The following XIRP2 variants were observed in gnomAD, a reference collection of about 807,000 sequenced individuals.
XIRP2 encodes xin actin-binding repeat-containing protein 2.
XIRP2 carries 236 observed loss-of-function variants against 277.0 expected under a neutral mutation model. That is an observed-to-expected ratio of 0.85 (90% CI 0.77 to 0.95). The LOEUF (loss-of-function observed/expected upper bound fraction) is 0.95, where lower values mean the gene tolerates loss of function less well. XIRP2 is among the 40% of genes least tolerant of loss of function. The pLI is 0.00. For missense variants in XIRP2, 4,640 were observed against 4,157.5 expected, an observed-to-expected ratio of 1.12 and a Z score of -3.19; for synonymous variants, 1,490 against 1,416.5, an observed-to-expected ratio of 1.05 and a Z score of -1.17.
intron 2 of XIRP2, among the ~76,000 whole-genome samples, chr2:166,931,240 T>A (rs577096673): frequency 1.3e-5 from 2 of 152,274 alleles, no homozygotes; most frequent in East Asian, 3.9e-4. Context: ...CAGACATGAA[T>A]GTTTAAGATT....
chr2:167,029,461 G>C (rs370648092), intron 2 of XIRP2, among the ~76,000 whole-genome samples: 69 of 152,090 alleles, frequency 4.5e-4, no homozygotes, highest in African/African-American at 8.2e-4. Context: ...TATTGAGATA[G>C]AGCATGTGGT....
At position 167,063,946 on chromosome 2, in the gene XIRP2, T is replaced by TAGTGTA. The variant is rs144089341; in HGVS notation, c.409-71963_409-71962insAGTGTA. ...TCTAAATATCTATATTAGTATAATA[T>TAGTGTA]CTACATTTAGTGTACTATCAATGAT... On this transcript the variant is annotated intron_variant, in intron 2 of 10. Coordinates refer to ENST00000409195, the MANE Select transcript of XIRP2 (RefSeq NM_152381.6). 3.6e-3 allele frequency among the ~76,000 whole-genome samples: 539 copies of TAGTGTA among 151,808 alleles called. 29 individuals carry two copies. In the East Asian group the frequency reaches 0.093, roughly 26 times the overall value.
intron 3 of XIRP2, among the ~76,000 whole-genome samples, chr2:167,169,377 C>T (rs1407195881): frequency 2.0e-5 from 3 of 152,188 alleles, no homozygotes; most frequent in Non-Finnish European, 4.4e-5. Context: ...TCAGAGTAGT[C>T]CACACTGGAC....
intron 3 of XIRP2, among the ~76,000 whole-genome samples, chr2:167,172,375 C>T (rs529647024): frequency 1.4e-4 from 21 of 152,242 alleles, no homozygotes; most frequent in South Asian, 4.2e-4. Context: ...GTTTCGGGCA[C>T]GCATTGTCAT....
intron 1 of XIRP2, among the ~76,000 whole-genome samples, chr2:166,896,068 A>G (rs1684233977): frequency 6.6e-6 from 1 of 152,168 alleles, no homozygotes; most frequent in Non-Finnish European, 1.5e-5. Flanking sequence ...CAAATAAGTT[A>G]AGGACAACTT....
At chr2:167,005,151 T>C (rs903126851) in intron 2 of XIRP2, among the ~76,000 whole-genome samples, 5 of 151,836 alleles carry the variant, frequency 3.3e-5, no homozygotes, top group Non-Finnish European at 7.4e-5. Flanking sequence ...TTAAAACAAA[T>C]TTCATAGTTT....
chr2:167,198,024 T>A lies in XIRP2; in HGVS notation c.563-12711T>A, dbSNP rs185266524. Among the ~76,000 whole-genome samples the A allele has an allele frequency of 7.0e-3, 1,067 of 152,326 alleles. 16 individuals carry two copies. Among genetic ancestry groups the A allele is most frequent in the African/African-American group, 0.024 (1,005 of 41,574 alleles). ...TTCCATGTATGGTACATTTATAGCA[T>A]TAGGTTTTGAATCTGAGAGAAAAGA... On this transcript the variant is annotated intron_variant, in intron 3 of 10. Transcript: ENST00000409195.
chr2:167,069,597 G>A (rs1689387289), intron 2 of XIRP2, among the ~76,000 whole-genome samples: 1 of 152,070 alleles, frequency 6.6e-6, no homozygotes, highest in Non-Finnish European at 1.5e-5. Flanking sequence ...AAATTGAGAA[G>A]GAAACTGACC....
In XIRP2 at chr2:167,247,245, T is replaced by C; in HGVS notation, c.5853T>C (p.Ala1951=). ...KEGVIKKDAK[A]VMAGSSGEQK... ...GTGTAATAAAAAAAGATGCTAAAGCTGTGATGGCAGGATCCTCGGGAGAGC... is the reference window on the plus strand; with the variant it reads ...GTGTAATAAAAAAAGATGCTAAAGCCGTGATGGCAGGATCCTCGGGAGAGC... Residue 1951 remains alanine, a synonymous_variant, in exon 9 of 11, where the codon GCT becomes GCC. Coordinates refer to ENST00000409195, the MANE Select transcript of XIRP2 (RefSeq NM_152381.6). 6.2e-7 allele frequency: 1 copy of C among 1,613,706 alleles called. No individual in the cohort carries two copies. The highest frequency in any genetic ancestry group is 2.2e-5 in the East Asian group (1 of 44,834).
In XIRP2 at chr2:167,184,447, C is replaced by T. The variant is rs1456285251; in HGVS notation, c.563-26288C>T. ...TTTGGAATTTAGGAAACATCTTAGA[C>T]AGAAAATAGAATTTGAGATCCCTCG... is the stretch of plus-strand genomic sequence containing the variant. On this transcript the variant is annotated intron_variant, in intron 3 of 10. Transcript: ENST00000409195. The T allele has an allele frequency of 6.2e-6, 4 of 649,842 alleles. No individual in the cohort carries two copies. The East Asian group carries it at 8.1e-5, about 13-fold the overall frequency. 40.3% of individuals were successfully genotyped at this position (649,842 alleles called of 1,614,324 possible).
At chr2:167,008,066 G>GCAGGA (rs754098484) in intron 2 of XIRP2, among the ~76,000 whole-genome samples, 22 of 151,466 alleles carry the variant, frequency 1.5e-4, no homozygotes, top group Non-Finnish European at 2.8e-4. Context: ...TGCAAAAGCT[G>GCAGGA]CAGGCTCCAT....
At chr2:167,071,415 AC>A (rs1689434200) in intron 2 of XIRP2, among the ~76,000 whole-genome samples, 2 of 152,202 alleles carry the variant, frequency 1.3e-5, no homozygotes, top group South Asian at 4.1e-4. Flanking sequence ...AGATGTATAT[AC>A]TATTATGGTT....
intron 3 of XIRP2, among the ~76,000 whole-genome samples, chr2:167,209,089 A>G (rs1693944726): frequency 6.6e-6 from 1 of 152,320 alleles, no homozygotes; most frequent in Non-Finnish European, 1.5e-5. Context: ...AATTTCAAAG[A>G]TAGCTGGCAT....
chr2:167,083,901 C>G (rs375099412), intron 2 of XIRP2, among the ~76,000 whole-genome samples: 3,159 of 151,902 alleles, frequency 0.021, 57 homozygotes, highest in South Asian at 0.054. Context: ...GACAATTTGA[C>G]TTCCTCTTTT....
Position 167,258,366 on chromosome 2 carries a change from C to T in XIRP2, c.*549C>T. ...TTTTTGCAGCCTTATCTACAGTCCA[C>T]CCATGTTTGTCAGAAAGAGGATGTT... On this transcript the variant is annotated 3_prime_UTR_variant, in exon 11 of 11. Transcript: ENST00000409195. The T allele has an allele frequency of 6.2e-7, 1 of 1,613,146 alleles. No homozygotes were observed. The highest frequency in any genetic ancestry group is 8.5e-7 in the Non-Finnish European group (1 of 1,179,592).
In XIRP2 at chr2:167,249,221, C is replaced by T. The variant is rs1695387563; in HGVS notation, c.7829C>T (p.Pro2610Leu). The change falls in exon 9 of 11, where the codon CCC becomes CTC. Residue 2610 changes from proline (P) to leucine (L), a missense_variant. Physicochemically the swap from Pro to Leu is moderately conservative, Grantham distance 98. Transcript: ENST00000409195. ...GATTCAGAATGCACTGTGGTTCAACCCAGCCCAGGCTCTCAAAGTAATGCT... is the reference window on the plus strand; with the variant it reads ...GATTCAGAATGCACTGTGGTTCAACTCAGCCCAGGCTCTCAAAGTAATGCT... Reference protein sequence around the residue: ...GIDSECTVVQPSPGSQSNARI... With the variant: ...GIDSECTVVQLSPGSQSNARI... The T allele has an allele frequency of 3.7e-6, 6 of 1,613,504 alleles. No homozygotes were observed. Among genetic ancestry groups the T allele is most frequent in the Non-Finnish European group, 5.1e-6 (6 of 1,179,736 alleles).
At chr2:166,916,539 G>A (rs1684884921) in intron 2 of XIRP2, among the ~76,000 whole-genome samples, 1 of 152,068 alleles carries the variant, frequency 6.6e-6, no homozygotes, top group South Asian at 2.1e-4. Flanking sequence ...TTAAAATGCA[G>A]CTTAATATTA....
chr2:166,928,726 T>C (rs926478777), intron 2 of XIRP2, among the ~76,000 whole-genome samples: 1 of 152,128 alleles, frequency 6.6e-6, no homozygotes, highest in African/African-American at 2.4e-5. Flanking sequence ...TTTAAATAAA[T>C]GCATATTCCA....
chr2:167,172,331 A>C (rs1450136187), intron 3 of XIRP2, among the ~76,000 whole-genome samples: 1 of 152,240 alleles, frequency 6.6e-6, no homozygotes, highest in Non-Finnish European at 1.5e-5. Flanking sequence ...GGGCAAGATC[A>C]CAGGACCGGG....
Sources: allele counts gnomAD v4.1 joint callset (sites outside exome capture counted in the v4.1 genomes callset), GRCh38; gene constraint gnomAD v4.1.1; transcripts MANE v1.5; gene names NCBI Gene and HGNC (gene_info 2026-07-23, HGNC 2026-07-21).